CORIN: variants seen among roughly 807,000 people sequenced by gnomAD.
The protein encoded by CORIN is atrial natriuretic peptide-converting enzyme.
In CORIN, 117 loss-of-function variants were observed where a neutral mutation model predicts 125.3. The ratio of observed to expected loss-of-function variants is 0.93; its 90% CI spans 0.80 to 1.09. CORIN has a LOEUF of 1.09. Among genes scored for constraint, CORIN ranks in the 50% least tolerant of loss-of-function variants. The pLI is 0.00. For synonymous variants in CORIN, 450 were observed against 466.4 expected, an observed-to-expected ratio of 0.96 and a Z score of 0.45; for missense variants, 1,253 against 1,306.7, an observed-to-expected ratio of 0.96 and a Z score of 0.63.
intron 1 of CORIN, among the ~76,000 whole-genome samples, chr4:47,813,851 G>A (rs1732156778): frequency 6.6e-6 from 1 of 152,120 alleles, no homozygotes; most frequent in Non-Finnish European, 1.5e-5. Context: ...CAATCTGGTG[G>A]ATTTAGCTAA....
Position 47,641,990 on chromosome 4 carries a change from C to T in CORIN, c.2128G>A (p.Glu710Lys). ...SFLMVHRAAT[E>K]HHVCADGWQE... Reference sequence around the variant, plus strand: ...CAGCCATCTGCACACACATGGTGTTCTGTGGCAGCTCTGTGAACCATCAGA... The same window carrying T: ...CAGCCATCTGCACACACATGGTGTTTTGTGGCAGCTCTGTGAACCATCAGA... The change falls in exon 16 of 22, where the codon GAA becomes AAA. Residue 710 changes from glutamate to lysine, a missense_variant. Physicochemically the swap from Glu to Lys is moderately conservative, Grantham distance 56. Coordinates refer to ENST00000273857, the MANE Select transcript of CORIN (RefSeq NM_006587.4). 1 of 1,613,630 alleles carries T rather than the reference C, an allele frequency of 6.2e-7. No individual in the cohort carries two copies. Among genetic ancestry groups the T allele is most frequent in the Non-Finnish European group, 8.5e-7 (1 of 1,179,664 alleles).
chr4:47,812,598 T>C (rs1460052283), intron 1 of CORIN, among the ~76,000 whole-genome samples: 1 of 152,200 alleles, frequency 6.6e-6, no homozygotes, highest in Non-Finnish European at 1.5e-5. Flanking sequence ...TACCACAACA[T>C]GCATCATAGA....
At chr4:47,764,179 TAAGTAA>T (rs1463949564) in intron 3 of CORIN, among the ~76,000 whole-genome samples, 2 of 152,200 alleles carry the variant, frequency 1.3e-5, no homozygotes, top group African/African-American at 2.4e-5. Context: ...CATAATATAA[TAAGTAA>T]AAGTAGGAAG....
chr4:47,661,467 C>T, intron 12 of CORIN: 1 of 432,986 alleles, frequency 2.3e-6, no homozygotes, highest in Non-Finnish European at 4.1e-6. Flanking sequence ...ACCTATGTAC[C>T]CACAAAAATA....
At chr4:47,822,134 A>C (rs1732543304) in intron 1 of CORIN, among the ~76,000 whole-genome samples, 1 of 152,234 alleles carries the variant, frequency 6.6e-6, no homozygotes, top group Non-Finnish European at 1.5e-5. Context: ...GCAAAAGTGA[A>C]ATATCTCCTG....
intron 4 of CORIN, among the ~76,000 whole-genome samples, chr4:47,752,979 A>G (rs2109851709): frequency 6.6e-6 from 1 of 151,928 alleles, no homozygotes; most frequent in East Asian, 1.9e-4. Context: ...TATTATTTAT[A>G]CATTCTAGTC....
intron 17 of CORIN, 95 bp from the exon 18 acceptor site, chr4:47,624,043 G>GTT (rs1722453426): frequency 1.0e-6 from 1 of 977,910 alleles, no homozygotes; most frequent in South Asian, 1.4e-5. Flanking sequence ...AGCTCCAACT[G>GTT]TTACCACCAG....
At chr4:47,761,973 T>C (rs779868118) in intron 4 of CORIN, among the ~76,000 whole-genome samples, 3 of 151,974 alleles carry the variant, frequency 2.0e-5, no homozygotes, top group Non-Finnish European at 2.9e-5. Flanking sequence ...TCTAAGTGTG[T>C]ATATATATAC....
Position 47,677,931 on chromosome 4 carries a change from C to G in CORIN, c.1249+7G>C, listed in dbSNP as rs754056159. The G allele has an allele frequency of 6.9e-6, 11 of 1,593,132 alleles. No individual in the cohort carries two copies. Among genetic ancestry groups the G allele is most frequent in the Non-Finnish European group, 8.6e-6 (10 of 1,160,890 alleles). ...AGGAATGTTCTGGGGTGGTGGGACA[C>G]ACTTACTGACGCTGCAGTTCTCCTC... On this transcript the variant is annotated splice_region_variant and intron_variant, in intron 9 of 21. Coordinates refer to ENST00000273857, the MANE Select transcript of CORIN (RefSeq NM_006587.4).
chr4:47,654,345 G>GTT (rs1560491093), intron 12 of CORIN, among the ~76,000 whole-genome samples: 1 of 82,994 alleles, frequency 1.2e-5, no homozygotes, highest in East Asian at 2.4e-4. Context: ...ACACAAAAAA[G>GTT]CACCTTCATA....
intron 1 of CORIN, among the ~76,000 whole-genome samples, chr4:47,823,088 C>G (rs566764655): frequency 6.6e-6 from 1 of 152,338 alleles, no homozygotes; most frequent in South Asian, 2.1e-4. Context: ...GCTGGGATTA[C>G]AGGCGTGAGC....
chr4:47,632,725 T>TGATATA (rs1722860258), intron 16 of CORIN, among the ~76,000 whole-genome samples: 1 of 126,658 alleles, frequency 7.9e-6, no homozygotes, highest in African/African-American at 3.2e-5. Context: ...TGACAATAGA[T>TGATATA]GATAGATAGA....
At chr4:47,689,569 A>G (rs941449278) in intron 6 of CORIN, among the ~76,000 whole-genome samples, 3 of 152,202 alleles carry the variant, frequency 2.0e-5, no homozygotes, top group Non-Finnish European at 2.9e-5. Context: ...TATGTGTCAT[A>G]AAATGTGTGA....
intron 4 of CORIN, among the ~76,000 whole-genome samples, chr4:47,757,361 A>G (rs1393581652): frequency 6.6e-6 from 1 of 152,150 alleles, no homozygotes; most frequent in Non-Finnish European, 1.5e-5. Flanking sequence ...TGGGAGGCTG[A>G]GGTGGGTGGA....
At chr4:47,617,046 T>C (rs1393137777) in intron 19 of CORIN, among the ~76,000 whole-genome samples, 2 of 151,856 alleles carry the variant, frequency 1.3e-5, no homozygotes, top group African/African-American at 4.8e-5. Flanking sequence ...GAATTGGGGG[T>C]GAGACAAGGT....
intron 9 of CORIN, 26 bp downstream of exon 9, chr4:47,677,912 G>A (rs200368398): frequency 9.4e-6 from 14 of 1,489,972 alleles, no homozygotes; most frequent in African/African-American, 8.2e-5. Flanking sequence ...GTAAAGGAAT[G>A]TTCTGGGGTG....
chr4:47,825,853 A>G (rs1732724594), intron 1 of CORIN, among the ~76,000 whole-genome samples: 1 of 151,672 alleles, frequency 6.6e-6, no homozygotes, highest in African/African-American at 2.4e-5. Flanking sequence ...ACAGGTGCCC[A>G]CCACCATGTC....
intron 5 of CORIN, among the ~76,000 whole-genome samples, chr4:47,741,015 GAATA>G (rs1728368614): frequency 6.6e-6 from 1 of 151,644 alleles, no homozygotes; most frequent in Non-Finnish European, 1.5e-5. Context: ...GAAAACAAAG[GAATA>G]AATAATTAGT....
At chr4:47,744,799 A>G (rs919197059) in intron 4 of CORIN, among the ~76,000 whole-genome samples, 3 of 152,204 alleles carry the variant, frequency 2.0e-5, no homozygotes, top group African/African-American at 7.2e-5. Context: ...CACATCATCT[A>G]ACTATTTCTT....
Sources: allele counts gnomAD v4.1 joint callset (sites outside exome capture counted in the v4.1 genomes callset), GRCh38; gene constraint gnomAD v4.1.1; transcripts MANE v1.5; gene names NCBI Gene and HGNC (gene_info 2026-07-23, HGNC 2026-07-21).